The following IGF1 variants were observed in gnomAD, a reference collection of about 807,000 sequenced individuals.
The protein encoded by IGF1 is insulin-like growth factor 1.
IGF1 carries 4 observed loss-of-function variants against 13.8 expected under a neutral mutation model. That is an observed-to-expected ratio of 0.29 (90% CI 0.14 to 0.66). The LOEUF (loss-of-function observed/expected upper bound fraction) is 0.66. Among genes scored for constraint, IGF1 ranks in the 30% least tolerant of loss-of-function variants. IGF1 has a pLI of 0.78. For missense variants in IGF1, 124 were observed against 188.5 expected, an observed-to-expected ratio of 0.66 and a Z score of 2.00; for synonymous variants, 76 against 72.6, an observed-to-expected ratio of 1.05 and a Z score of -0.23.
In IGF1 at chr12:102,398,496, C is replaced by T. The variant is rs1322805853; in HGVS notation, c.*4011G>A. The T allele has an allele frequency of 6.6e-6, 1 of 152,074 alleles. No homozygotes were observed. Among genetic ancestry groups the T allele is most frequent in the Non-Finnish European group, 1.5e-5 (1 of 67,990 alleles). The allele number at this position is 152,074 out of a possible 1,614,324, so 9.4% of individuals were successfully genotyped here. A position where few individuals can be genotyped will look rare whatever the true frequency, so the allele number is the denominator to read the frequency against. ...TCTATTTGCCTATAAGATCTTTTTT[C>T]CCGCGTTTATTCTCCATGCTCTTGA... On this transcript the variant is annotated 3_prime_UTR_variant, in exon 4 of 4. Coordinates refer to ENST00000337514, the MANE Select transcript of IGF1 (RefSeq NM_000618.5).
chr12:102,478,330 GA>G (rs1401387396), intron 1 of IGF1, among the ~76,000 whole-genome samples: 1 of 149,530 alleles, frequency 6.7e-6, no homozygotes. Context: ...AAAAAAATCA[GA>G]AAACACTTTC....
chr12:102,468,233 G>T (rs1880459155), intron 2 of IGF1, among the ~76,000 whole-genome samples: 1 of 152,270 alleles, frequency 6.6e-6, no homozygotes, highest in African/African-American at 2.4e-5. Flanking sequence ...GAGGCTGTTT[G>T]GTCTCTGCTG....
chr12:102,440,888 C>A (rs936256411), intron 2 of IGF1, among the ~76,000 whole-genome samples: 3 of 152,200 alleles, frequency 2.0e-5, no homozygotes, highest in Non-Finnish European at 4.4e-5. Context: ...AGAAACTCAT[C>A]TCCTGGTCTA....
At chr12:102,441,956 T>TTCTTCTTCTTCTTC (rs1491200329) in intron 2 of IGF1, among the ~76,000 whole-genome samples, 6 of 140,482 alleles carry the variant, frequency 4.3e-5, no homozygotes, top group East Asian at 2.0e-4. Context: ...CTTCTTCTTC[T>TTCTTCTTCTTCTTC]TTTTTTTTTT....
At position 102,475,732 on chromosome 12, in the gene IGF1, C is replaced by G; in HGVS notation, c.131G>C (p.Ser44Thr). 1 of 1,614,194 alleles carries G rather than the reference C, an allele frequency of 6.2e-7. No homozygotes were observed. Among genetic ancestry groups the G allele is most frequent in the South Asian group, 1.1e-5 (1 of 91,078 alleles). ...CGTCTCCGGTCCAGCCGTGGCAGAG[C>G]TGGTGAAGGTGAGCAGGCACAGCGC... Reference protein sequence around the residue: ...YLALCLLTFTSSATAGPETLC... With the variant: ...YLALCLLTFTTSATAGPETLC... Residue 44 changes from serine (S) to threonine (T), a missense_variant, in exon 2 of 4, where the codon AGC (serine) becomes ACC (threonine). Around this residue, in one of 2 missense-constraint regions of IGF1, gnomAD observed 99 missense variants for 171.4 expected, o/e 0.58. Coordinates refer to ENST00000337514, the MANE Select transcript of IGF1 (RefSeq NM_000618.5).
intron 2 of IGF1, among the ~76,000 whole-genome samples, chr12:102,461,006 C>T (rs1592818105): frequency 6.6e-6 from 1 of 152,114 alleles, no homozygotes; most frequent in East Asian, 1.9e-4. Context: ...GGTTCATTTA[C>T]GTATCATTGT....
At chr12:102,431,831 C>G (rs1449971302) in intron 2 of IGF1, among the ~76,000 whole-genome samples, 2 of 152,140 alleles carry the variant, frequency 1.3e-5, no homozygotes, top group East Asian at 3.8e-4. Context: ...AGAAGGAATG[C>G]CATGCATGGC....
intron 2 of IGF1, among the ~76,000 whole-genome samples, chr12:102,432,855 C>G (rs1876858817): frequency 6.6e-6 from 1 of 151,614 alleles, no homozygotes; most frequent in Non-Finnish European, 1.5e-5. Context: ...AAAATACATA[C>G]ATACATACAT....
At chr12:102,464,202 T>C (rs962713830) in intron 2 of IGF1, among the ~76,000 whole-genome samples, 2 of 152,026 alleles carry the variant, frequency 1.3e-5, no homozygotes, top group African/African-American at 4.8e-5. Flanking sequence ...TCCAGTAGCC[T>C]TTGAAAATTA....
chr12:102,397,210 GA>G lies in IGF1; in HGVS notation c.*5296del, dbSNP rs950879322. The stretch of plus-strand genomic sequence containing the variant: ...GTGCGAGACCCCATCTCACAAAAAG[GA>G]AAAAAAAAAAGAGGGAACACGTGAA... On this transcript the variant is annotated 3_prime_UTR_variant, in exon 4 of 4. Coordinates refer to ENST00000337514, the MANE Select transcript of IGF1 (RefSeq NM_000618.5). The G allele has an allele frequency of 7.7e-3, 1,246 of 161,162 alleles. 1 individual carries two copies. The highest frequency in any genetic ancestry group is 0.017 in the East Asian group (107 of 6,366). The allele number at this position is 161,162 out of a possible 1,614,324, so 10.0% of individuals were successfully genotyped here.
At chr12:102,453,008 C>G (rs1221733384) in intron 2 of IGF1, among the ~76,000 whole-genome samples, 2 of 152,192 alleles carry the variant, frequency 1.3e-5, no homozygotes, top group Non-Finnish European at 2.9e-5. Context: ...GTTTTTGAAT[C>G]TTCCTCAGGG....
intron 3 of IGF1, among the ~76,000 whole-genome samples, chr12:102,407,826 C>A (rs1243963784): frequency 1.3e-5 from 2 of 152,146 alleles, no homozygotes; most frequent in Non-Finnish European, 2.9e-5. Context: ...AGTCTAGGAG[C>A]ACAGTATTCA....
chr12:102,442,492 A>C (rs182903309), intron 2 of IGF1, among the ~76,000 whole-genome samples: 91 of 152,206 alleles, frequency 6.0e-4, no homozygotes, highest in African/African-American at 1.9e-3. Flanking sequence ...GGCCTGATAA[A>C]CAGAGTGAAG....
In IGF1 at chr12:102,455,928, T is replaced by C. The variant is rs1307376815; in HGVS notation, c.220+19715A>G. Among the ~76,000 whole-genome samples, 3 of 152,210 alleles carry C rather than the reference T, an allele frequency of 2.0e-5. No individual in the cohort carries two copies. The East Asian group carries it at 5.8e-4, about 29-fold the overall frequency. On this transcript the variant is annotated intron_variant, in intron 2 of 3. Transcript: ENST00000337514. ...TGGGATCCCATTGGATATCGCTTCC[T>C]GGAGAATGAAAAAATATGGCTCCAT...
At chr12:102,480,643 TTC>T (rs372346461), upstream of IGF1, 176 of 1,324,678 alleles carry the variant, frequency 1.3e-4, no homozygotes, top group South Asian at 3.2e-4. Flanking sequence ...AACATTTGCC[TTC>T]TCTCTCTCTC....
At chr12:102,456,331 C>G (rs1879402839) in intron 2 of IGF1, among the ~76,000 whole-genome samples, 1 of 150,310 alleles carries the variant, frequency 6.7e-6, no homozygotes, top group African/African-American at 2.5e-5. Flanking sequence ...AAAGACTAAA[C>G]TGGACATAAA....
At position 102,396,993 on chromosome 12, in the gene IGF1, G is replaced by A. The variant is rs1873245241; in HGVS notation, c.*5514C>T. On this transcript the variant is annotated 3_prime_UTR_variant, in exon 4 of 4. Coordinates refer to ENST00000337514, the MANE Select transcript of IGF1 (RefSeq NM_000618.5). ...TGAGGCGGGCAAATCACAAGGTCAG[G>A]AGTTTGAGACCAACCTGGCCAACAT... The A allele has an allele frequency of 2.5e-6, 1 of 395,668 alleles. No homozygotes were observed. The highest frequency in any genetic ancestry group is 1.3e-4 in the South Asian group (1 of 7,532). The allele number at this position is 395,668 out of a possible 1,614,324, so 24.5% of individuals were successfully genotyped here.
At chr12:102,456,123 G>A (rs752457914) in intron 2 of IGF1, among the ~76,000 whole-genome samples, 5 of 152,084 alleles carry the variant, frequency 3.3e-5, no homozygotes, top group Non-Finnish European at 2.9e-5. Flanking sequence ...GGAGGAGGGC[G>A]TAGTGGCCAT....
Position 102,402,167 on chromosome 12 carries a change from T to C in IGF1, c.*340A>G, listed in dbSNP as rs1396089446. 6.3e-6 allele frequency: 1 copy of C among 159,176 alleles called. No homozygotes were observed. The highest frequency in any genetic ancestry group is 1.4e-5 in the Non-Finnish European group (1 of 72,976). 9.9% of individuals were successfully genotyped at this position (159,176 alleles called of 1,614,324 possible). A position where few individuals can be genotyped will look rare whatever the true frequency, so the allele number is the denominator to read the frequency against. On this transcript the variant is annotated 3_prime_UTR_variant, in exon 4 of 4. Transcript: ENST00000337514. ...AGCAGCCAAGATTCAGAGAGGAATT[T>C]AGTGCAACTGGATCTATACAACACC...
Sources: allele counts gnomAD v4.1 joint callset (sites outside exome capture counted in the v4.1 genomes callset), GRCh38; gene constraint gnomAD v4.1.1; regional missense constraint gnomAD v4.1.1; transcripts MANE v1.5; gene names NCBI Gene and HGNC (gene_info 2026-07-23, HGNC 2026-07-21).